Variants in TRPM3 observed in about 807,000 individuals in gnomAD.
TRPM3 encodes long transient receptor potential channel 3.
TRPM3 carries 77 observed loss-of-function variants against 181.2 expected under a neutral mutation model. That is an observed-to-expected ratio of 0.42 (90% CI 0.35 to 0.51). TRPM3 has a LOEUF of 0.51. Among genes scored for constraint, TRPM3 ranks in the 20% least tolerant of loss-of-function variants. The pLI, the probability that TRPM3 is intolerant of heterozygous loss-of-function variation, is 0.01. For synonymous variants in TRPM3, 745 were observed against 796.4 expected (o/e 0.94, Z 1.09); for missense variants, 1,759 against 2,196.7 (o/e 0.80, Z 3.98).
chr9:70,544,024 A>G (rs1321187747), intron 25 of TRPM3, among the ~76,000 whole-genome samples: 1 of 152,190 alleles, frequency 6.6e-6, no homozygotes, highest in Non-Finnish European at 1.5e-5. Context: ...CCAGCAAAAC[A>G]GCCCTGTGTG....
chr9:70,747,932 T>G (rs962350373), intron 8 of TRPM3, among the ~76,000 whole-genome samples: 9 of 152,090 alleles, frequency 5.9e-5, no homozygotes, highest in Non-Finnish European at 1.0e-4. Flanking sequence ...TTTGTGCATT[T>G]GGGAATTATC....
At chr9:70,681,687 TTC>T in intron 8 of TRPM3, 109 bp from the exon 9 acceptor site, 2 of 934,342 alleles carry the variant, frequency 2.1e-6, no homozygotes, top group Non-Finnish European at 3.5e-6. Flanking sequence ...ACAAAGTAGA[TTC>T]TTAACCACAG....
At chr9:71,272,006 T>A (rs2083836152) in intron 1 of TRPM3, among the ~76,000 whole-genome samples, 1 of 152,186 alleles carries the variant, frequency 6.6e-6, no homozygotes, top group Admixed American at 6.5e-5. Flanking sequence ...AGCTGGATAG[T>A]CTGAGACATA....
At chr9:71,424,902 C>A (rs1329049361) in intron 1 of TRPM3, among the ~76,000 whole-genome samples, 1 of 152,156 alleles carries the variant, frequency 6.6e-6, no homozygotes, top group African/African-American at 2.4e-5. Context: ...CAGCCTACTC[C>A]AGTCTGGCTT....
At chr9:70,757,641 G>A (rs1041299989) in intron 8 of TRPM3, among the ~76,000 whole-genome samples, 1 of 152,104 alleles carries the variant, frequency 6.6e-6, no homozygotes, top group South Asian at 2.1e-4. Flanking sequence ...TATCCACCAC[G>A]ATAAAGTCAG....
At chr9:70,566,562 T>C (rs1317347617) in intron 22 of TRPM3, among the ~76,000 whole-genome samples, 2 of 152,224 alleles carry the variant, frequency 1.3e-5, no homozygotes, top group African/African-American at 4.8e-5. Context: ...TTATTGGATT[T>C]ATTAAAGAAA....
At chr9:71,224,941 T>C (rs992622818) in intron 1 of TRPM3, among the ~76,000 whole-genome samples, 1 of 151,924 alleles carries the variant, frequency 6.6e-6, no homozygotes, top group South Asian at 2.1e-4. Flanking sequence ...GAAAAAAGAA[T>C]AAAGCATGCC....
At chr9:70,865,352 A>G (rs1304232194) in intron 1 of TRPM3, 5 of 152,098 alleles carry the variant, frequency 3.3e-5, no homozygotes, top group Non-Finnish European at 1.5e-5. Flanking sequence ...AGCATTTGCA[A>G]TGGCAGCGGA....
intron 18 of TRPM3, among the ~76,000 whole-genome samples, chr9:70,611,567 C>CTCTT (rs2062007532): frequency 6.6e-6 from 1 of 152,142 alleles, no homozygotes; most frequent in South Asian, 2.1e-4. Context: ...TCAATTAAAC[C>CTCTT]TCTTTGGTTT....
chr9:71,136,832 C>T (rs1565264735), intron 1 of TRPM3, among the ~76,000 whole-genome samples: 1 of 152,204 alleles, frequency 6.6e-6, no homozygotes, highest in East Asian at 1.9e-4. Flanking sequence ...AGGAAGAAGG[C>T]CCATGGCGCA....
intron 1 of TRPM3, among the ~76,000 whole-genome samples, chr9:71,368,389 G>T (rs574788170): frequency 1.3e-5 from 2 of 152,106 alleles, no homozygotes; most frequent in East Asian, 3.9e-4. Context: ...CATGTGAATC[G>T]TACTGACAGC....
chr9:70,532,566 G>A lies in TRPM3; in HGVS notation c.*3387C>T, dbSNP rs914613094. The A allele has an allele frequency of 2.6e-5, 4 of 152,104 alleles. No homozygotes were observed. Among genetic ancestry groups the A allele is most frequent in the African/African-American group, 9.7e-5 (4 of 41,414 alleles). The allele number at this position is 152,104 out of a possible 1,614,324, so 9.4% of individuals were successfully genotyped here. On this transcript the variant is annotated 3_prime_UTR_variant, in exon 26 of 26. Coordinates refer to ENST00000677713, the MANE Select transcript of TRPM3 (RefSeq NM_001366145.2). ...TCCTCATTCAAATCTATCAAGGAGG[G>A]GCCCTCTAACTATAAATATAAAGTA...
Position 70,692,541 on chromosome 9 carries a change from G to A in TRPM3, c.1273-10963C>T, listed in dbSNP as rs768863681. Among the ~76,000 whole-genome samples the A allele has an allele frequency of 5.6e-4, 85 of 152,170 alleles. 1 individual carries two copies. The highest frequency in any genetic ancestry group is 5.3e-4 in the Non-Finnish European group (36 of 68,036). ...CCCATTGATGAAAGTCCTAGGGAGA[G>A]GTGATTGCTCTAAAATGGCACTGCA... On this transcript the variant is annotated intron_variant, in intron 8 of 25. Transcript: ENST00000677713.
Position 70,918,809 on chromosome 9 carries a change from A to G in TRPM3, c.178-54298T>C, listed in dbSNP as rs140296625. Among the ~76,000 whole-genome samples the G allele has an allele frequency of 5.5e-3, 830 of 152,286 alleles. 5 individuals carry two copies. The highest frequency in any genetic ancestry group is 8.5e-3 in the Non-Finnish European group (575 of 68,016). On this transcript the variant is annotated intron_variant, in intron 1 of 25. Transcript: ENST00000677713. ...GATCTTGAAACGAACAATACAAAAG[A>G]TCAATGGAATAGAAACTTATTTTTT...
rs1470487717 is a variant in TRPM3 at position 71,422,421 on chromosome 9, T to C, written c.183+24232A>G. On this transcript the variant is annotated intron_variant, in intron 1 of 24. Transcript: ENST00000357533. ...TTGCCTTGGAGGGACCTTTCCACAT[T>C]TGAGACCCCTCGATCTTTATTCATT... Among the ~76,000 whole-genome samples, 10 of 152,078 alleles carry C rather than the reference T, an allele frequency of 6.6e-5. 1 individual carries two copies. The highest frequency in any genetic ancestry group is 6.6e-4 in the Admixed American group (10 of 15,228).
At chr9:71,385,125 A>C (rs1279985209) in intron 1 of TRPM3, among the ~76,000 whole-genome samples, 1 of 152,150 alleles carries the variant, frequency 6.6e-6, no homozygotes, top group Non-Finnish European at 1.5e-5. Context: ...GAGTAGCACA[A>C]GGGGAGCCCA....
chr9:71,283,599 G>A (rs1209149582), intron 1 of TRPM3, among the ~76,000 whole-genome samples: 3 of 152,118 alleles, frequency 2.0e-5, no homozygotes, highest in Admixed American at 6.5e-5. Flanking sequence ...CACCATGTCC[G>A]GCCTCCTTCC....
intron 1 of TRPM3, among the ~76,000 whole-genome samples, chr9:71,092,653 A>T (rs1234157329): frequency 6.6e-6 from 1 of 152,168 alleles, no homozygotes; most frequent in African/African-American, 2.4e-5. Context: ...GTGATTCTAA[A>T]TTTCTGATTC....
intron 1 of TRPM3, among the ~76,000 whole-genome samples, chr9:71,395,126 C>A (rs76923438): frequency 0.015 from 2,344 of 152,334 alleles, 57 homozygotes; most frequent in East Asian, 0.084. Context: ...TGTTGATCAT[C>A]ATGAAGCCTC....
Sources: allele counts gnomAD v4.1 joint callset (sites outside exome capture counted in the v4.1 genomes callset), GRCh38; gene constraint gnomAD v4.1.1; transcripts MANE v1.5; gene names NCBI Gene and HGNC (gene_info 2026-07-23, HGNC 2026-07-21).